The following EYS variants were observed in gnomAD, a reference collection of about 807,000 sequenced individuals.
EYS encodes the protein protein eyes shut homolog.
In EYS, 250 loss-of-function variants were observed where a neutral mutation model predicts 282.1. The ratio of observed to expected loss-of-function variants is 0.89; its 90% CI spans 0.80 to 0.98. The LOEUF (loss-of-function observed/expected upper bound fraction) is 0.98, where lower values mean the gene tolerates loss of function less well. Ranked by LOEUF, EYS falls within the 50% of genes least tolerant of loss-of-function variation. EYS has a pLI of 0.00. For missense variants in EYS, 4,016 were observed against 3,709.0 expected (o/e 1.08, Z -2.15); for synonymous variants, 1,355 against 1,282.9 (o/e 1.06, Z -1.20).
Position 64,617,449 on chromosome 6 carries a change from C to A in EYS, c.3653G>T (p.Gly1218Val). ...TCCAGGTGTGCATAAACATGTCGAG[C>A]CAGGTTCATTCTCCATGCAGAGTTC... The part of the protein sequence containing the change: ...VHELCMENEP[G>V]STCLCTPGFM... Residue 1218 changes from glycine to valine, a missense_variant, in exon 24 of 43, where the codon GGC becomes GTC. Gly to Val is a moderately radical substitution (Grantham distance 109). Coordinates refer to ENST00000503581, the MANE Select transcript of EYS (RefSeq NM_001142800.2). The A allele has an allele frequency of 6.4e-7, 1 of 1,550,474 alleles. No homozygotes were observed. The highest frequency in any genetic ancestry group is 8.7e-7 in the Non-Finnish European group (1 of 1,146,092).
intron 15 of EYS, among the ~76,000 whole-genome samples, chr6:64,930,485 A>C (rs1181515109): frequency 6.7e-6 from 1 of 150,250 alleles, no homozygotes; most frequent in Non-Finnish European, 1.5e-5. Context: ...AAAAAAAAGC[A>C]AAACAATATC....
At chr6:63,918,326 T>C (rs1764479356) in intron 35 of EYS, among the ~76,000 whole-genome samples, 1 of 152,202 alleles carries the variant, frequency 6.6e-6, no homozygotes, top group Non-Finnish European at 1.5e-5. Flanking sequence ...TCTAGGTGGT[T>C]TATTAACATG....
intron 37 of EYS, among the ~76,000 whole-genome samples, chr6:63,789,706 A>G (rs1171277344): frequency 6.6e-6 from 1 of 152,188 alleles, no homozygotes; most frequent in Non-Finnish European, 1.5e-5. Flanking sequence ...TTCTATTACA[A>G]AAGCTCTTAA....
chr6:64,599,888 T>G (rs146657183), intron 24 of EYS, among the ~76,000 whole-genome samples: 563 of 152,272 alleles, frequency 3.7e-3, no homozygotes, highest in Non-Finnish European at 6.4e-3. Context: ...AACAATCTTG[T>G]ACTCTGACAG....
At chr6:64,382,983 T>A (rs1772797505) in intron 29 of EYS, among the ~76,000 whole-genome samples, 1 of 152,128 alleles carries the variant, frequency 6.6e-6, no homozygotes, top group Admixed American at 6.6e-5. Flanking sequence ...TGTATTGTTG[T>A]CTCACTAAGA....
chr6:64,119,612 A>G (rs1331656417), intron 31 of EYS, among the ~76,000 whole-genome samples: 1 of 152,216 alleles, frequency 6.6e-6, no homozygotes, highest in Non-Finnish European at 1.5e-5. Flanking sequence ...ACCCATTTCC[A>G]GTAATGGGTA....
rs112663745 is a variant in EYS at position 65,371,741 on chromosome 6, CTGTG to C, written c.1299+12641_1299+12644del. 7.4e-4 allele frequency among the ~76,000 whole-genome samples: 52 copies of C among 70,256 alleles called. No homozygotes were observed. The South Asian group carries it at 8.3e-3, about 11-fold the overall frequency. The allele number at this position is 70,256 out of a possible 152,430, so 46.1% of individuals were successfully genotyped here. A position where few individuals can be genotyped will look rare whatever the true frequency, so the allele number is the denominator to read the frequency against. ...TCTCTCTCTCTCTCTCTCTCTCTCT[CTGTG>C]TGTGTGTGTGTGTGTGTGTGTGTGT... On this transcript the variant is annotated intron_variant, in intron 8 of 42. Transcript: ENST00000503581.
intron 2 of EYS, among the ~76,000 whole-genome samples, chr6:65,602,792 T>C (rs1270506736): frequency 1.3e-5 from 2 of 151,928 alleles, no homozygotes; most frequent in Non-Finnish European, 2.9e-5. Flanking sequence ...TGAAGGCCCA[T>C]TGTAGGGAAG....
chr6:64,114,905 T>C (rs1016875935), intron 31 of EYS, among the ~76,000 whole-genome samples: 10 of 152,096 alleles, frequency 6.6e-5, no homozygotes, highest in African/African-American at 1.9e-4. Context: ...ACAGATGTGC[T>C]TCCCTGGGAC....
chr6:64,345,040 A>G (rs1472612940), intron 29 of EYS, among the ~76,000 whole-genome samples: 1 of 152,136 alleles, frequency 6.6e-6, no homozygotes, highest in Non-Finnish European at 1.5e-5. Context: ...CTGCTCAATG[A>G]AATCAAAGAG....
chr6:64,469,583 G>C (rs1343667585), intron 26 of EYS, among the ~76,000 whole-genome samples: 1 of 152,108 alleles, frequency 6.6e-6, no homozygotes, highest in East Asian at 1.9e-4. Context: ...CCACCAGAGG[G>C]CTCCTTGGTC....
chr6:65,076,142 T>C (rs1010998429), intron 12 of EYS, among the ~76,000 whole-genome samples: 2 of 152,024 alleles, frequency 1.3e-5, no homozygotes, highest in African/African-American at 4.8e-5. Flanking sequence ...ATGCTACTTA[T>C]ACAAATTAAG....
chr6:65,402,411 A>G lies in EYS; in HGVS notation c.1184+67T>C, dbSNP rs902805495. 26 of 1,116,528 alleles carry G rather than the reference A, an allele frequency of 2.3e-5. No individual in the cohort carries two copies. In the African/African-American group the frequency reaches 3.4e-4, roughly 15 times the overall value. 69.2% of individuals were successfully genotyped at this position (1,116,528 alleles called of 1,614,324 possible). A position where few individuals can be genotyped will look rare whatever the true frequency, so the allele number is the denominator to read the frequency against. ...AGGGTTAAAACCAGAACATCATTAT[A>G]TTTTTGTTCACATGATTTAAAAATC... On this transcript the variant is annotated intron_variant, in intron 7 of 42. Coordinates refer to ENST00000503581, the MANE Select transcript of EYS (RefSeq NM_001142800.2).
At chr6:65,267,666 C>T (rs1042074888) in intron 12 of EYS, among the ~76,000 whole-genome samples, 20 of 151,864 alleles carry the variant, frequency 1.3e-4, no homozygotes, top group African/African-American at 3.9e-4. Flanking sequence ...AGTGTATAAG[C>T]GAGAACACAG....
chr6:64,770,140 A>C (rs1174843202), intron 22 of EYS, among the ~76,000 whole-genome samples: 1 of 151,944 alleles, frequency 6.6e-6, no homozygotes, highest in Non-Finnish European at 1.5e-5. Context: ...ATTAGCAAGG[A>C]GTAGGAAAGC....
At chr6:64,745,871 G>A (rs1031391689) in intron 22 of EYS, among the ~76,000 whole-genome samples, 6 of 152,162 alleles carry the variant, frequency 3.9e-5, no homozygotes, top group African/African-American at 1.2e-4. Flanking sequence ...ATAAAGTAGA[G>A]GGATATATGT....
intron 36 of EYS, among the ~76,000 whole-genome samples, chr6:63,826,941 C>T (rs548855000): frequency 4.7e-5 from 7 of 148,266 alleles, no homozygotes; most frequent in African/African-American, 1.5e-4. Flanking sequence ...TCAATACTAA[C>T]ATTGAATGTA....
intron 12 of EYS, among the ~76,000 whole-genome samples, chr6:65,165,224 A>G (rs1764944491): frequency 6.6e-6 from 1 of 150,978 alleles, no homozygotes; most frequent in Admixed American, 6.6e-5. Context: ...ATGTTTATCT[A>G]TATTTTAAAT....
chr6:64,914,164 T>C (rs1015408906), intron 15 of EYS, among the ~76,000 whole-genome samples: 3 of 152,104 alleles, frequency 2.0e-5, no homozygotes, highest in Admixed American at 6.6e-5. Flanking sequence ...GGAAAGGTTA[T>C]AGTGAAGCCT....
Sources: allele counts gnomAD v4.1 joint callset (sites outside exome capture counted in the v4.1 genomes callset), GRCh38; gene constraint gnomAD v4.1.1; transcripts MANE v1.5; gene names NCBI Gene and HGNC (gene_info 2026-07-23, HGNC 2026-07-21).